The following CCSER1 variants were observed in gnomAD, a reference collection of about 807,000 sequenced individuals.
CCSER1 encodes serine-rich coiled-coil domain-containing protein 1.
CCSER1 carries 41 observed loss-of-function variants against 82.0 expected under a neutral mutation model. The ratio of observed to expected loss-of-function variants is 0.50; its 90% CI spans 0.39 to 0.65. The LOEUF (loss-of-function observed/expected upper bound fraction) is 0.65. CCSER1 is among the 30% of genes least tolerant of loss of function. CCSER1 has a pLI of 0.00. For missense variants in CCSER1, 1,119 were observed against 1,064.2 expected, an observed-to-expected ratio of 1.05 and a Z score of -0.72; for synonymous variants, 414 against 383.9, an observed-to-expected ratio of 1.08 and a Z score of -0.92.
chr4:90,335,931 C>T (rs1490836701), intron 3 of CCSER1, among the ~76,000 whole-genome samples: 3 of 152,116 alleles, frequency 2.0e-5, no homozygotes, highest in Non-Finnish European at 4.4e-5. Flanking sequence ...ATATTTATAG[C>T]TTTTTTATAT....
At chr4:90,405,309 C>T (rs1753554760) in intron 4 of CCSER1, among the ~76,000 whole-genome samples, 2 of 148,796 alleles carry the variant, frequency 1.3e-5, no homozygotes, top group Admixed American at 1.3e-4. Flanking sequence ...TCATTAAAGA[C>T]AAAGAAAAAA....
chr4:90,587,713 G>GT lies in CCSER1; in HGVS notation c.1725-40311dup, dbSNP rs368675345. 3.2e-3 allele frequency among the ~76,000 whole-genome samples: 493 copies of GT among 152,194 alleles called. 3 individuals are homozygous for GT. The highest frequency in any genetic ancestry group is 0.011 in the African/African-American group (471 of 41,522). ...TACCACTTAAGTTGCTTTATTTCTTGTGTAGTCAAAAATAATATCCTTTAA... is the reference window on the plus strand; with the variant it reads ...TACCACTTAAGTTGCTTTATTTCTTGTTGTAGTCAAAAATAATATCCTTTAA... On this transcript the variant is annotated intron_variant, in intron 5 of 10. Coordinates refer to ENST00000509176, the MANE Select transcript of CCSER1 (RefSeq NM_001145065.2).
chr4:90,266,861 A>C (rs147392916), intron 1 of CCSER1, among the ~76,000 whole-genome samples: 2,872 of 152,120 alleles, frequency 0.019, 37 homozygotes, highest in Middle Eastern at 0.034. Flanking sequence ...GGCCACAGGG[A>C]CTACAAATCC....
chr4:91,263,955 T>G (rs1391424016), intron 10 of CCSER1, among the ~76,000 whole-genome samples: 1 of 151,956 alleles, frequency 6.6e-6, no homozygotes, highest in South Asian at 2.1e-4. Flanking sequence ...CTTCCAAAAC[T>G]ACCCATTTCA....
At chr4:90,744,587 G>T (rs540769101) in intron 7 of CCSER1, among the ~76,000 whole-genome samples, 2 of 152,202 alleles carry the variant, frequency 1.3e-5, no homozygotes, top group Admixed American at 6.5e-5. Context: ...CTTTACAGAT[G>T]ATCTAGACCA....
chr4:90,625,544 T>C (rs1723103977), intron 5 of CCSER1, among the ~76,000 whole-genome samples: 1 of 152,150 alleles, frequency 6.6e-6, no homozygotes, highest in African/African-American at 2.4e-5. Flanking sequence ...TTTTTTCATG[T>C]AGAGATAAAA....
intron 9 of CCSER1, among the ~76,000 whole-genome samples, chr4:91,047,517 C>G (rs189009465): frequency 6.6e-6 from 1 of 152,234 alleles, no homozygotes; most frequent in East Asian, 1.9e-4. Flanking sequence ...TTTTCCCTCC[C>G]ACTCACTCCT....
intron 10 of CCSER1, among the ~76,000 whole-genome samples, chr4:91,536,462 T>C (rs1002472095): frequency 3.9e-5 from 6 of 152,098 alleles, no homozygotes; most frequent in Non-Finnish European, 7.4e-5. Flanking sequence ...TCTCTACCTT[T>C]TTCTACCCTG....
intron 5 of CCSER1, among the ~76,000 whole-genome samples, chr4:90,489,296 T>C (rs1767592281): frequency 6.6e-6 from 1 of 152,152 alleles, no homozygotes; most frequent in African/African-American, 2.4e-5. Context: ...TGAATTCTAG[T>C]ATCTTAGATA....
intron 10 of CCSER1, among the ~76,000 whole-genome samples, chr4:91,117,419 A>G (rs1161898032): frequency 2.0e-5 from 3 of 152,202 alleles, no homozygotes; most frequent in African/African-American, 7.2e-5. Context: ...TCTGGGACCT[A>G]TGTCAGGGTT....
intron 6 of CCSER1, among the ~76,000 whole-genome samples, chr4:90,691,434 CAT>C (rs1735818554): frequency 6.6e-6 from 1 of 151,530 alleles, no homozygotes; most frequent in Non-Finnish European, 1.5e-5. Flanking sequence ...TGTATAAACT[CAT>C]ATATATGTAT....
chr4:90,749,912 T>C, intron 7 of CCSER1, among the ~76,000 whole-genome samples: 1 of 151,900 alleles, frequency 6.6e-6, no homozygotes, highest in Non-Finnish European at 1.5e-5. Flanking sequence ...CCACCAACAG[T>C]GTAAAAGTGT....
chr4:91,161,306 C>A (rs1731373688), intron 10 of CCSER1, among the ~76,000 whole-genome samples: 1 of 152,078 alleles, frequency 6.6e-6, no homozygotes, highest in East Asian at 1.9e-4. Flanking sequence ...ATTACTGTAG[C>A]CTTGTAGTAT....
At chr4:91,304,847 CTTAAA>C (rs984569367) in intron 10 of CCSER1, among the ~76,000 whole-genome samples, 1 of 151,988 alleles carries the variant, frequency 6.6e-6, no homozygotes, top group Non-Finnish European at 1.5e-5. Context: ...AAGAATGTTA[CTTAAA>C]TTAAATATCT....
intron 1 of CCSER1, among the ~76,000 whole-genome samples, chr4:90,171,887 T>G (rs553366650): frequency 6.6e-6 from 1 of 152,036 alleles, no homozygotes; most frequent in East Asian, 1.9e-4. Context: ...ATATAAGACA[T>G]GATTTCCAGG....
intron 10 of CCSER1, among the ~76,000 whole-genome samples, chr4:91,235,678 G>C (rs1738945212): frequency 6.6e-6 from 1 of 152,148 alleles, no homozygotes; most frequent in Non-Finnish European, 1.5e-5. Flanking sequence ...GACAGGCCTT[G>C]TGTAGGAGCT....
chr4:91,262,922 A>G (rs1002677695), intron 10 of CCSER1, among the ~76,000 whole-genome samples: 1 of 151,892 alleles, frequency 6.6e-6, no homozygotes, highest in Non-Finnish European at 1.5e-5. Flanking sequence ...AGCCTGACTC[A>G]CTTTACCTTT....
chr4:91,084,884 A>G (rs1723204928), intron 9 of CCSER1, among the ~76,000 whole-genome samples: 1 of 151,960 alleles, frequency 6.6e-6, no homozygotes, highest in East Asian at 1.9e-4. Context: ...AAGAGATAAC[A>G]TGTTTGAAAA....
At chr4:90,170,850 C>T (rs551711181) in intron 1 of CCSER1, among the ~76,000 whole-genome samples, 1 of 151,956 alleles carries the variant, frequency 6.6e-6, no homozygotes, top group Non-Finnish European at 1.5e-5. Flanking sequence ...ATCTCTTTGA[C>T]ATACTGATTT....
Sources: allele counts gnomAD v4.1 joint callset (sites outside exome capture counted in the v4.1 genomes callset), GRCh38; gene constraint gnomAD v4.1.1; transcripts MANE v1.5; gene names NCBI Gene and HGNC (gene_info 2026-07-23, HGNC 2026-07-21).